NPAS3: variants seen among roughly 807,000 people sequenced by gnomAD.
NPAS3 encodes the protein neuronal PAS domain protein 3.
In NPAS3, 14 loss-of-function variants were observed where a neutral mutation model predicts 73.1. The ratio of observed to expected loss-of-function variants is 0.19; its 90% CI spans 0.13 to 0.30. The LOEUF (loss-of-function observed/expected upper bound fraction) is 0.30, where lower values mean the gene tolerates loss of function less well. NPAS3 is among the 10% of genes least tolerant of loss of function. NPAS3 has a pLI of 1.00. For missense variants in NPAS3, 1,096 were observed against 1,250.0 expected (o/e 0.88, Z 1.86); for synonymous variants, 620 against 541.5 (o/e 1.14, Z -2.01).
At chr14:33,533,916 T>C (rs2054147408) in intron 4 of NPAS3, among the ~76,000 whole-genome samples, 1 of 152,096 alleles carries the variant, frequency 6.6e-6, no homozygotes, top group East Asian at 1.9e-4. Flanking sequence ...TATTTAAATA[T>C]ATGACAAGTG....
intron 4 of NPAS3, among the ~76,000 whole-genome samples, chr14:33,478,262 G>A (rs1418150826): frequency 6.6e-6 from 1 of 152,158 alleles, no homozygotes; most frequent in Non-Finnish European, 1.5e-5. Context: ...CATGCCAAAT[G>A]TGCTCTAAAA....
At chr14:33,342,809 GA>G (rs1452442998) in intron 3 of NPAS3, among the ~76,000 whole-genome samples, 4 of 151,926 alleles carry the variant, frequency 2.6e-5, no homozygotes, top group Non-Finnish European at 5.9e-5. Context: ...GCAGTTTAAT[GA>G]ATTATTTTTC....
intron 5 of NPAS3, among the ~76,000 whole-genome samples, chr14:33,657,772 T>C (rs1279448389): frequency 6.8e-6 from 1 of 147,536 alleles, no homozygotes; most frequent in East Asian, 2.0e-4. Flanking sequence ...ACACAGGCAT[T>C]AATTATGCAG....
At chr14:33,674,799 T>C (rs2059712336) in intron 5 of NPAS3, among the ~76,000 whole-genome samples, 1 of 152,236 alleles carries the variant, frequency 6.6e-6, no homozygotes, top group Non-Finnish European at 1.5e-5. Context: ...TTTCTGACTA[T>C]ACCTATGTTA....
chr14:33,304,474 G>C (rs529590837), intron 3 of NPAS3, among the ~76,000 whole-genome samples: 1 of 151,606 alleles, frequency 6.6e-6, no homozygotes, highest in African/African-American at 2.4e-5. Context: ...GTAGGGTGTA[G>C]GTGGTTGATT....
intron 1 of NPAS3, among the ~76,000 whole-genome samples, chr14:32,963,597 C>A (rs887185650): frequency 6.6e-6 from 1 of 152,172 alleles, no homozygotes; most frequent in Admixed American, 6.5e-5. Flanking sequence ...CCCAGTTTGT[C>A]CCCTTCTTCC....
chr14:33,218,056 A>G (rs1448203217), intron 3 of NPAS3, among the ~76,000 whole-genome samples: 3 of 152,174 alleles, frequency 2.0e-5, no homozygotes, highest in African/African-American at 7.2e-5. Context: ...AGATGTATAA[A>G]AAGAAGATAA....
At chr14:33,514,442 C>T (rs1186103525) in intron 4 of NPAS3, among the ~76,000 whole-genome samples, 4 of 152,004 alleles carry the variant, frequency 2.6e-5, no homozygotes, top group Admixed American at 6.6e-5. Context: ...GATATATAAC[C>T]TTTACCAAGA....
intron 7 of NPAS3, among the ~76,000 whole-genome samples, chr14:33,765,964 T>C (rs2062450033): frequency 6.6e-6 from 1 of 152,198 alleles, no homozygotes; most frequent in South Asian, 2.1e-4. Context: ...CCTGTGCACA[T>C]TCAAATGTAA....
At chr14:33,413,806 C>T (rs1490223376) in intron 4 of NPAS3, among the ~76,000 whole-genome samples, 1 of 152,164 alleles carries the variant, frequency 6.6e-6, no homozygotes, top group Non-Finnish European at 1.5e-5. Flanking sequence ...ATTCTACCCT[C>T]AGCTACTTGA....
intron 2 of NPAS3, among the ~76,000 whole-genome samples, chr14:33,207,273 A>G (rs1002021738): frequency 5.2e-5 from 6 of 115,334 alleles, no homozygotes; most frequent in African/African-American, 2.2e-4. Flanking sequence ...ACACGCACAC[A>G]CACACACACA....
At chr14:33,741,835 G>A (rs1331745969) in intron 7 of NPAS3, among the ~76,000 whole-genome samples, 1 of 152,080 alleles carries the variant, frequency 6.6e-6, no homozygotes, top group African/African-American at 2.4e-5. Flanking sequence ...AGGTAGGGGA[G>A]GTAACAGCAT....
chr14:33,690,152 T>TATCG (rs1323854177), intron 6 of NPAS3, among the ~76,000 whole-genome samples: 2 of 152,194 alleles, frequency 1.3e-5, no homozygotes, highest in Admixed American at 6.5e-5. Flanking sequence ...GCTCCTTTAC[T>TATCG]ATCGAATCAG....
chr14:33,068,248 T>C (rs1484521745), intron 2 of NPAS3, among the ~76,000 whole-genome samples: 1 of 152,232 alleles, frequency 6.6e-6, no homozygotes, highest in Non-Finnish European at 1.5e-5. Context: ...TGTTTAAAAC[T>C]TACCAGTGTA....
chr14:33,135,099 A>G lies in NPAS3; in HGVS notation c.140+79105A>G, dbSNP rs965289858. 1.2e-4 allele frequency among the ~76,000 whole-genome samples: 18 copies of G among 152,294 alleles called. No homozygotes were observed. In the South Asian group the frequency reaches 3.7e-3, roughly 32 times the overall value. ...AAAAATATAACTATCCTTACTCTTC[A>G]TGTAATCCTGTCTATTGTGAAAGTC... On this transcript the variant is annotated intron_variant, in intron 2 of 11. Transcript: ENST00000356141.
chr14:33,784,709 T>TA (rs2138558418), intron 9 of NPAS3, among the ~76,000 whole-genome samples: 2 of 149,596 alleles, frequency 1.3e-5, no homozygotes, highest in Non-Finnish European at 3.0e-5. Context: ...TGCTTTTATT[T>TA]TTTATTGTTA....
intron 2 of NPAS3, among the ~76,000 whole-genome samples, chr14:33,192,896 A>G (rs7154846): frequency 0.95 from 144,385 of 152,194 alleles, 68,672 homozygotes; most frequent in Non-Finnish European, 0.98. Flanking sequence ...TTTAAGTGGC[A>G]CCTTCTGTGT....
intron 1 of NPAS3, among the ~76,000 whole-genome samples, chr14:32,961,283 G>C (rs1040632396): frequency 2.0e-5 from 3 of 151,756 alleles, no homozygotes; most frequent in Non-Finnish European, 2.9e-5. Flanking sequence ...GTGGTGGCGC[G>C]TGCCTGTAGT....
intron 1 of NPAS3, among the ~76,000 whole-genome samples, chr14:32,995,631 G>A (rs915697229): frequency 1.3e-5 from 2 of 152,204 alleles, no homozygotes; most frequent in Non-Finnish European, 2.9e-5. Flanking sequence ...TAGCAAATGA[G>A]TCTCACAGGA....
Sources: allele counts gnomAD v4.1 joint callset (sites outside exome capture counted in the v4.1 genomes callset), GRCh38; gene constraint gnomAD v4.1.1; transcripts MANE v1.5; gene names NCBI Gene and HGNC (gene_info 2026-07-23, HGNC 2026-07-21).